The following MED12L variants were observed in gnomAD, a reference collection of about 807,000 sequenced individuals.
MED12L encodes the protein mediator complex subunit 12L, also known as mediator of RNA polymerase II transcription subunit 12-like protein.
Under a neutral mutation model 281.3 loss-of-function variants are expected in MED12L, and 60 were observed. That is an observed-to-expected ratio of 0.21 (90% confidence interval 0.17 to 0.26). The LOEUF (loss-of-function observed/expected upper bound fraction) is 0.26. MED12L is among the 10% of genes least tolerant of loss of function. The pLI is 1.00. For synonymous variants in MED12L, 974 were observed against 987.2 expected (o/e 0.99, Z 0.25); for missense variants, 2,146 against 2,680.9 (o/e 0.80, Z 4.41).
At chr3:151,403,053 C>G (rs1200044974) in intron 39 of MED12L, among the ~76,000 whole-genome samples, 3 of 150,756 alleles carry the variant, frequency 2.0e-5, no homozygotes, top group Non-Finnish European at 3.0e-5. Flanking sequence ...ATTTTTATAG[C>G]ATTGCCCTTT....
At chr3:151,167,515 G>A (rs1720870645) in intron 11 of MED12L, among the ~76,000 whole-genome samples, 1 of 152,180 alleles carries the variant, frequency 6.6e-6, no homozygotes, top group Non-Finnish European at 1.5e-5. Flanking sequence ...CTTTATGTGA[G>A]CCTGATACAT....
chr3:151,306,761 C>T (rs987341312), intron 16 of MED12L, among the ~76,000 whole-genome samples: 2 of 152,234 alleles, frequency 1.3e-5, no homozygotes, highest in African/African-American at 4.8e-5. Context: ...CTTCATCTCT[C>T]TTGTTATTGC....
chr3:151,252,772 C>T (rs916355556), intron 16 of MED12L, among the ~76,000 whole-genome samples: 3 of 152,064 alleles, frequency 2.0e-5, no homozygotes, highest in Non-Finnish European at 4.4e-5. Flanking sequence ...AATCTACTAA[C>T]TTATCTACTA....
intron 16 of MED12L, among the ~76,000 whole-genome samples, chr3:151,298,159 C>T (rs1034836992): frequency 2.0e-5 from 3 of 152,138 alleles, no homozygotes; most frequent in Admixed American, 2.0e-4. Flanking sequence ...ATCATTTATT[C>T]TCTATCATTG....
intron 11 of MED12L, among the ~76,000 whole-genome samples, chr3:151,180,977 G>A (rs1272420806): frequency 6.6e-6 from 1 of 151,644 alleles, no homozygotes; most frequent in East Asian, 1.9e-4. Context: ...TCATTTTTAT[G>A]ATTAGTAAAA....
At chr3:151,270,433 C>A (rs1051151541) in intron 16 of MED12L, among the ~76,000 whole-genome samples, 8 of 152,060 alleles carry the variant, frequency 5.3e-5, no homozygotes, top group African/African-American at 1.9e-4. Context: ...CCACTGAACT[C>A]TCTGGGGAAA....
Position 151,411,329 on chromosome 3 carries a change from A to G in MED12L, c.5962A>G (p.Thr1988Ala). 4 of 1,614,246 alleles carry G rather than the reference A, an allele frequency of 2.5e-6. No individual in the cohort carries two copies. Among genetic ancestry groups the G allele is most frequent in the Non-Finnish European group, 3.4e-6 (4 of 1,180,044 alleles). ...MYGTQMPLQQ[T>A]SQQQAGSVVL... Reference sequence around the variant, plus strand: ...TGGGACACAGATGCCTTTGCAGCAGACATCGCAGCAGCAGGCTGGCAGTGT... The same window carrying G: ...TGGGACACAGATGCCTTTGCAGCAGGCATCGCAGCAGCAGGCTGGCAGTGT... Residue 1988 changes from threonine (T) to alanine (A), a missense_variant, in exon 41 of 45, where the codon ACA becomes GCA. Thr to Ala is a moderately conservative substitution (Grantham distance 58). Coordinates refer to ENST00000687756, the MANE Select transcript of MED12L (RefSeq NM_001393769.1).
At chr3:151,220,098 G>A (rs1729047837) in intron 16 of MED12L, among the ~76,000 whole-genome samples, 1 of 147,612 alleles carries the variant, frequency 6.8e-6, no homozygotes, top group East Asian at 2.0e-4. Context: ...AAGATGTTTA[G>A]CAGCAGTTCT....
At position 151,122,989 on chromosome 3, in the gene MED12L, T is replaced by C. The variant is rs772638671; in HGVS notation, c.396+15T>C. On this transcript the variant is annotated intron_variant, in intron 4 of 44. Coordinates refer to ENST00000687756, the MANE Select transcript of MED12L (RefSeq NM_001393769.1). ...TGGCAAAAAAGGTATCAAATATTTC[T>C]TACATTGTTTTAGTTATGGTCTTAT... 1.5e-5 allele frequency: 24 copies of C among 1,572,328 alleles called. No individual in the cohort carries two copies. Among genetic ancestry groups the C allele is most frequent in the Admixed American group, 1.8e-5 (1 of 56,740 alleles).
In MED12L at chr3:151,433,953, A is replaced by G. The variant is rs1219827717; in HGVS notation, c.*1149A>G. 3 of 152,636 alleles carry G rather than the reference A, an allele frequency of 2.0e-5. No individual in the cohort carries two copies. Among genetic ancestry groups the G allele is most frequent in the African/African-American group, 7.2e-5 (3 of 41,452 alleles). The allele number at this position is 152,636 out of a possible 1,614,324, so 9.5% of individuals were successfully genotyped here. A position where few individuals can be genotyped will look rare whatever the true frequency, so the allele number is the denominator to read the frequency against. On this transcript the variant is annotated 3_prime_UTR_variant, in exon 45 of 45. Transcript: ENST00000687756. ...ATAGTAACTATTTTAACTTTGTTCAAGTATGTGGTAATTTGCTCCTATTAG... is the reference window on the plus strand; with the variant it reads ...ATAGTAACTATTTTAACTTTGTTCAGGTATGTGGTAATTTGCTCCTATTAG...
At chr3:151,188,111 A>C (rs1391179052) in intron 12 of MED12L, 2 of 277,022 alleles carry the variant, frequency 7.2e-6, no homozygotes, top group Admixed American at 9.4e-5. Flanking sequence ...CTACGGCCAT[A>C]CCACCCTGAA....
At chr3:151,125,502 G>T (rs980897104) in intron 4 of MED12L, among the ~76,000 whole-genome samples, 1 of 152,146 alleles carries the variant, frequency 6.6e-6, no homozygotes, top group Non-Finnish European at 1.5e-5. Flanking sequence ...AATCCTTTAG[G>T]CATCTGTGAA....
Position 151,219,944 on chromosome 3 carries a change from A to C in MED12L, c.2250+26278A>C, listed in dbSNP as rs185578365. Reference sequence around the variant, plus strand: ...ATCGAATCAATTTATCAAATGACTGAATATAACAATTCATCTTAGCCATGA... The same window carrying C: ...ATCGAATCAATTTATCAAATGACTGCATATAACAATTCATCTTAGCCATGA... On this transcript the variant is annotated intron_variant, in intron 16 of 44. Transcript: ENST00000687756. 9.6e-5 allele frequency among the ~76,000 whole-genome samples: 13 copies of C among 136,106 alleles called. No individual in the cohort carries two copies. The East Asian group carries it at 3.2e-3, about 34-fold the overall frequency. 89.3% of individuals were successfully genotyped at this position (136,106 alleles called of 152,430 possible). A position where few individuals can be genotyped will look rare whatever the true frequency, so the allele number is the denominator to read the frequency against.
intron 5 of MED12L, among the ~76,000 whole-genome samples, chr3:151,129,176 G>T (rs1203274638): frequency 6.6e-6 from 1 of 152,226 alleles, no homozygotes; most frequent in African/African-American, 2.4e-5. Context: ...GACGTCTTCA[G>T]ATGCCAGGTG....
intron 4 of MED12L, among the ~76,000 whole-genome samples, chr3:151,126,051 T>G (rs533416068): frequency 6.7e-6 from 1 of 148,686 alleles, no homozygotes; most frequent in East Asian, 2.0e-4. Flanking sequence ...GCATCCTCTT[T>G]TTTTTTTTTT....
At chr3:151,299,130 C>G (rs936874022) in intron 16 of MED12L, among the ~76,000 whole-genome samples, 9 of 152,132 alleles carry the variant, frequency 5.9e-5, no homozygotes, top group Admixed American at 5.9e-4. Flanking sequence ...TTATGAATGA[C>G]AGAGTAGGGA....
rs1464157880 is a variant in MED12L, at chr3:151,365,144, T to C, written c.3123T>C (p.Asn1041=). The change falls in exon 22 of 45, where the codon AAT becomes AAC. Residue 1041 remains asparagine (N), a synonymous_variant. Coordinates refer to ENST00000687756, the MANE Select transcript of MED12L (RefSeq NM_001393769.1). ...AGATCCTCAGTGACAATGCGGCCAA[T>C]CGCTACAGCTTTGTCTGCAATACAC... ...LGKILSDNAA[N]RYSFVCNTLM... is the part of the protein sequence containing the mutation. The C allele has an allele frequency of 6.2e-7, 1 of 1,614,078 alleles. No homozygotes were observed. Among genetic ancestry groups the C allele is most frequent in the South Asian group, 1.1e-5 (1 of 91,088 alleles).
At chr3:151,234,568 T>G (rs1732338761) in intron 16 of MED12L, among the ~76,000 whole-genome samples, 1 of 152,228 alleles carries the variant, frequency 6.6e-6, no homozygotes, top group Non-Finnish European at 1.5e-5. Flanking sequence ...GTATAAACTT[T>G]CTGATGAATG....
chr3:151,300,953 A>T (rs1745832767), intron 16 of MED12L, among the ~76,000 whole-genome samples: 1 of 152,142 alleles, frequency 6.6e-6, no homozygotes, highest in Admixed American at 6.5e-5. Context: ...TTGATTTGGT[A>T]GTAGATGGAA....
Sources: allele counts gnomAD v4.1 joint callset (sites outside exome capture counted in the v4.1 genomes callset), GRCh38; gene constraint gnomAD v4.1.1; transcripts MANE v1.5; gene names NCBI Gene and HGNC (gene_info 2026-07-23, HGNC 2026-07-21).